Variants in VPS13A observed in about 807,000 individuals in gnomAD.
The protein encoded by VPS13A is intermembrane lipid transfer protein VPS13A.
VPS13A carries 264 observed loss-of-function variants against 390.9 expected under a neutral mutation model. The ratio of observed to expected loss-of-function variants is 0.68; its 90% CI spans 0.61 to 0.75. The LOEUF (loss-of-function observed/expected upper bound fraction) is 0.75, where lower values mean the gene tolerates loss of function less well. Among genes scored for constraint, VPS13A ranks in the 30% least tolerant of loss-of-function variants. The probability of loss-of-function intolerance (pLI) is 0.00; values close to 1 mark genes in which losing one functional copy is unlikely to be tolerated. For missense variants in VPS13A, 3,409 were observed against 3,733.9 expected, an observed-to-expected ratio of 0.91 and a Z score of 2.27; for synonymous variants, 1,231 against 1,227.1, an observed-to-expected ratio of 1.00 and a Z score of -0.07.
At chr9:77,371,840 C>T (rs1299721777) in intron 67 of VPS13A, among the ~76,000 whole-genome samples, 4 of 122,230 alleles carry the variant, frequency 3.3e-5, no homozygotes, top group African/African-American at 1.3e-4. Context: ...TGTGATATTC[C>T]CCTTCCTGTG....
intron 1 of VPS13A, among the ~76,000 whole-genome samples, chr9:77,186,732 G>A (rs1216164204): frequency 2.6e-5 from 4 of 152,042 alleles, no homozygotes; most frequent in Non-Finnish European, 5.9e-5. Flanking sequence ...CACCACACCC[G>A]GCCTATCTTA....
At chr9:77,264,986 A>G (rs978132627) in intron 23 of VPS13A, among the ~76,000 whole-genome samples, 2 of 152,186 alleles carry the variant, frequency 1.3e-5, no homozygotes, top group Non-Finnish European at 2.9e-5. Context: ...TACCTAGTTT[A>G]TTGAGAGTTT....
At chr9:77,276,019 G>A (rs1321936803) in intron 25 of VPS13A, 46 bp from the exon 26 acceptor site, 3 of 1,585,830 alleles carry the variant, frequency 1.9e-6, no homozygotes, top group African/African-American at 1.3e-5. Flanking sequence ...ACATAAACAT[G>A]TTTTTGTTTT....
At position 77,273,380 on chromosome 9, in the gene VPS13A, TTAAGGA is replaced by T; in HGVS notation, c.2512+19_2512+24del. 6.4e-7 allele frequency: 1 copy of T among 1,571,038 alleles called. No individual in the cohort carries two copies. Among genetic ancestry groups the T allele is most frequent in the Non-Finnish European group, 8.7e-7 (1 of 1,151,246 alleles). On this transcript the variant is annotated intron_variant, in intron 24 of 71. Transcript: ENST00000360280. ...TCTGAAGATGGTAAAATGAAACTGC[TTAAGGA>T]TATTTTTCTTATTTTATTAAAATAA...
chr9:77,363,598 G>A (rs1832274001), intron 59 of VPS13A, among the ~76,000 whole-genome samples: 1 of 149,124 alleles, frequency 6.7e-6, no homozygotes, highest in East Asian at 2.0e-4. Flanking sequence ...TTTTAGTAGA[G>A]ACAGGGTTTC....
chr9:77,299,029 T>C (rs1828178895), intron 33 of VPS13A, among the ~76,000 whole-genome samples: 1 of 152,168 alleles, frequency 6.6e-6, no homozygotes, highest in Non-Finnish European at 1.5e-5. Flanking sequence ...CCTTTCCCCA[T>C]TGCTTGTTTT....
chr9:77,347,414 C>T (rs1313598614), intron 52 of VPS13A, among the ~76,000 whole-genome samples: 1 of 152,076 alleles, frequency 6.6e-6, no homozygotes, highest in Non-Finnish European at 1.5e-5. Context: ...TTCAGTAACC[C>T]TCCATTTCTT....
intron 68 of VPS13A, among the ~76,000 whole-genome samples, chr9:77,390,759 G>C (rs1833867612): frequency 6.6e-6 from 1 of 151,100 alleles, no homozygotes; most frequent in East Asian, 2.0e-4. Context: ...GCTCACTGCA[G>C]CCTTGAACTC....
At chr9:77,255,401 A>G (rs1267577033) in intron 22 of VPS13A, among the ~76,000 whole-genome samples, 2 of 152,154 alleles carry the variant, frequency 1.3e-5, no homozygotes, top group African/African-American at 4.8e-5. Flanking sequence ...CTAGGAATAA[A>G]TTCCAAGAGT....
At chr9:77,290,472 C>T (rs558023635) in intron 31 of VPS13A, among the ~76,000 whole-genome samples, 7 of 152,134 alleles carry the variant, frequency 4.6e-5, no homozygotes, top group South Asian at 4.2e-4. Flanking sequence ...CAAATAGTTT[C>T]TTTGCCTCTG....
At chr9:77,381,316 C>G (rs1470801789) in intron 67 of VPS13A, among the ~76,000 whole-genome samples, 1 of 151,760 alleles carries the variant, frequency 6.6e-6, no homozygotes, top group Middle Eastern at 3.4e-3. Flanking sequence ...TGTATGCTGC[C>G]CAGGATTGGG....
intron 26 of VPS13A, among the ~76,000 whole-genome samples, chr9:77,277,110 T>G (rs1259510712): frequency 6.6e-6 from 1 of 152,212 alleles, no homozygotes; most frequent in Non-Finnish European, 1.5e-5. Context: ...TTAGGAGGGT[T>G]GTATTTATAT....
chr9:77,252,390 G>A, intron 22 of VPS13A, 38 bp downstream of exon 22: 1 of 1,514,716 alleles, frequency 6.6e-7, no homozygotes, highest in Non-Finnish European at 9.2e-7. Context: ...TGGATTTTCT[G>A]GGTAATTCTG....
At chr9:77,383,299 A>G (rs1483274783) in intron 68 of VPS13A, among the ~76,000 whole-genome samples, 1 of 152,088 alleles carries the variant, frequency 6.6e-6, no homozygotes, top group Non-Finnish European at 1.5e-5. Context: ...TGAAGCATCA[A>G]AATCATTGTA....
At chr9:77,297,237 C>T (rs1014779357) in intron 33 of VPS13A, among the ~76,000 whole-genome samples, 35 of 151,920 alleles carry the variant, frequency 2.3e-4, no homozygotes, top group Admixed American at 9.8e-4. Flanking sequence ...TAATATATGA[C>T]GTGCTATAAA....
rs917408029 is a variant in VPS13A at position 77,377,466 on chromosome 9, G to A, written c.9078-4510G>A. ...GATCTCCTGACCTCATGATCCACCC[G>A]CCTCGGCCTCCCAAAGTGCTGGTAT... On this transcript the variant is annotated intron_variant, in intron 67 of 71. Coordinates refer to ENST00000360280, the MANE Select transcript of VPS13A (RefSeq NM_033305.3). Among the ~76,000 whole-genome samples the A allele has an allele frequency of 4.0e-4, 61 of 151,992 alleles. 1 individual carries two copies. Among genetic ancestry groups the A allele is most frequent in the African/African-American group, 1.4e-3 (57 of 41,468 alleles).
At chr9:77,396,920 A>G (rs569096007) in intron 68 of VPS13A, among the ~76,000 whole-genome samples, 7 of 152,332 alleles carry the variant, frequency 4.6e-5, no homozygotes, top group South Asian at 2.1e-4. Context: ...ACCAGTCTAT[A>G]AAACCATTTG....
chr9:77,352,304 A>G (rs1831516900), intron 53 of VPS13A, among the ~76,000 whole-genome samples: 1 of 152,146 alleles, frequency 6.6e-6, no homozygotes, highest in African/African-American at 2.4e-5. Context: ...TTCAAGATTC[A>G]TCTTAATTTG....
intron 1 of VPS13A, among the ~76,000 whole-genome samples, chr9:77,193,219 T>C (rs1168385617): frequency 6.6e-6 from 1 of 152,218 alleles, no homozygotes; most frequent in Non-Finnish European, 1.5e-5. Context: ...AAAATGACTA[T>C]TTCATTTTTC....
Sources: gnomAD v4.1 joint callset for allele counts (sites outside exome capture counted in the v4.1 genomes callset) on GRCh38, gnomAD v4.1.1 for gene constraint, MANE v1.5 for transcripts, NCBI Gene and HGNC (gene_info 2026-07-23, HGNC 2026-07-21) for gene names.